GOLGA3: variants seen among roughly 807,000 people sequenced by gnomAD.
The protein encoded by GOLGA3 is golgin subfamily A member 3.
Under a neutral mutation model 169.4 loss-of-function variants are expected in GOLGA3, and 75 were observed. That is an observed-to-expected ratio of 0.44 (90% confidence interval 0.37 to 0.54). GOLGA3 has a LOEUF of 0.54. Ranked by LOEUF, GOLGA3 falls within the 20% of genes least tolerant of loss-of-function variation. GOLGA3 has a pLI of 0.00. For missense variants in GOLGA3, 1,899 were observed against 1,930.0 expected, an observed-to-expected ratio of 0.98 and a Z score of 0.30; for synonymous variants, 824 against 822.4, an observed-to-expected ratio of 1.00 and a Z score of -0.03.
intron 2 of GOLGA3, among the ~76,000 whole-genome samples, chr12:132,821,654 A>G (rs892165632): frequency 2.0e-5 from 3 of 151,830 alleles, no homozygotes; most frequent in Non-Finnish European, 4.4e-5. Flanking sequence ...GGAGATCGAG[A>G]CCATCTTGGC....
intron 1 of GOLGA3, among the ~76,000 whole-genome samples, chr12:132,822,989 C>T (rs1425670807): frequency 6.6e-6 from 1 of 152,220 alleles, no homozygotes. Context: ...TGACTCTGCC[C>T]AAGGCCACGG....
rs529520836 is a variant in GOLGA3 at position 132,795,970 on chromosome 12, G to A, written c.2351C>T (p.Ala784Val). Residue 784 changes from alanine (A) to valine (V), a missense_variant, in exon 11 of 24, where the codon GCG (alanine) becomes GTG (valine). By Grantham distance (64) the Ala-to-Val change is moderately conservative. Coordinates refer to ENST00000450791, the MANE Select transcript of GOLGA3 (RefSeq NM_001389683.1). ...AAGCTCCTCCTTGCCACTCTTGGCCGCCTGCAAAGCCGCCTCCAAGATGAT... is the reference window on the plus strand; with the variant it reads ...AAGCTCCTCCTTGCCACTCTTGGCCACCTGCAAAGCCGCCTCCAAGATGAT... The part of the protein sequence containing the change: ...EKIILEAALQ[A>V]AKSGKEELDR... 13 of 1,613,708 alleles carry A rather than the reference G, an allele frequency of 8.1e-6. No individual in the cohort carries two copies. In the East Asian group the frequency reaches 8.9e-5, roughly 11 times the overall value.
chr12:132,813,214 AAGC>A, intron 4 of GOLGA3, 90 bp downstream of exon 4: 1 of 797,892 alleles, frequency 1.3e-6, no homozygotes, highest in Non-Finnish European at 2.2e-6. Flanking sequence ...CAGCTCAGAG[AAGC>A]CAATGGCAGG....
chr12:132,826,956 A>G (rs957800), intron 1 of GOLGA3, among the ~76,000 whole-genome samples: 17,880 of 152,116 alleles, frequency 0.12, 1,369 homozygotes, highest in South Asian at 0.17. Flanking sequence ...GATCACTCGC[A>G]CTCCTGCGTC....
At position 132,808,510 on chromosome 12, in the gene GOLGA3, G is replaced by C; in HGVS notation, c.559C>G (p.Leu187Val). ...PATKTRLFST[L>V]DPELMLNPEN... ...GGGTTTAACATGAGCTCAGGATCAAGCGTGCTAAAAAGTCTCGTTTTGGTT... is the reference window on the plus strand; with the variant it reads ...GGGTTTAACATGAGCTCAGGATCAACCGTGCTAAAAAGTCTCGTTTTGGTT... Residue 187 changes from leucine to valine, a missense_variant, in exon 5 of 24, where the codon CTT (leucine) becomes GTT (valine). Leu to Val is a conservative substitution (Grantham distance 32). Coordinates refer to ENST00000450791, the MANE Select transcript of GOLGA3 (RefSeq NM_001389683.1). The C allele has an allele frequency of 1.2e-6, 2 of 1,604,272 alleles. No individual in the cohort carries two copies. Among genetic ancestry groups the C allele is most frequent in the Non-Finnish European group, 1.7e-6 (2 of 1,174,858 alleles).
intron 1 of GOLGA3, chr12:132,826,076 G>A (rs557891277): frequency 1.3e-5 from 18 of 1,430,338 alleles, no homozygotes; most frequent in South Asian, 6.9e-5. Flanking sequence ...CGGTGACATC[G>A]TCACAGTGGG....
At chr12:132,809,435 C>T (rs1389034137) in intron 4 of GOLGA3, among the ~76,000 whole-genome samples, 1 of 147,734 alleles carries the variant, frequency 6.8e-6, no homozygotes, top group African/African-American at 2.5e-5. Flanking sequence ...CCCCCACCCC[C>T]GCCCCCCCGC....
intron 6 of GOLGA3, 81 bp downstream of exon 6, chr12:132,807,096 T>G (rs1949444127): frequency 1.3e-6 from 1 of 794,284 alleles, no homozygotes; most frequent in Non-Finnish European, 2.1e-6. Context: ...ACCACATCTG[T>G]GAAACCTCGT....
At chr12:132,819,954 G>A (rs952663945) in intron 2 of GOLGA3, among the ~76,000 whole-genome samples, 2 of 152,214 alleles carry the variant, frequency 1.3e-5, no homozygotes, top group Non-Finnish European at 2.9e-5. Flanking sequence ...CCAAGGTGGG[G>A]GGATCACCAG....
At chr12:132,799,772 T>G (rs529735182) in intron 8 of GOLGA3, among the ~76,000 whole-genome samples, 1 of 152,192 alleles carries the variant, frequency 6.6e-6, no homozygotes, top group African/African-American at 2.4e-5. Context: ...CTGGCTCTGT[T>G]GCCCAGGCTG....
intron 15 of GOLGA3, among the ~76,000 whole-genome samples, chr12:132,785,839 G>A (rs954303935): frequency 4.6e-5 from 7 of 152,216 alleles, no homozygotes; most frequent in Non-Finnish European, 7.4e-5. Flanking sequence ...CGGCCTCCAC[G>A]GAAGGCTCTG....
In GOLGA3 at chr12:132,777,140, G is replaced by A. The variant is rs866631268; in HGVS notation, c.3723-50C>T. ...GGGAATCGCCACGCTCCTCCAGTGT[G>A]CTGTGCCCTCCCGCTGGGAAATGCT... On this transcript the variant is annotated intron_variant, in intron 19 of 23. Transcript: ENST00000450791. This position sits in a 1 kb window ranked among gnomAD's most constrained non-coding sequence, Gnocchi z 4.7. 6.5e-7 allele frequency: 1 copy of A among 1,537,334 alleles called. No homozygotes were observed. The highest frequency in any genetic ancestry group is 1.4e-5 in the African/African-American group (1 of 72,596).
rs2046081620 is a variant in GOLGA3, at chr12:132,789,051, T to C, written c.2787A>G (p.Arg929=). 1 of 1,586,318 alleles carries C rather than the reference T, an allele frequency of 6.3e-7. No individual in the cohort carries two copies. Among genetic ancestry groups the C allele is most frequent in the African/African-American group, 1.4e-5 (1 of 73,912 alleles). Residue 929 remains arginine (R), a synonymous_variant, in exon 13 of 24, where the codon CGA becomes CGG. Coordinates refer to ENST00000450791, the MANE Select transcript of GOLGA3 (RefSeq NM_001389683.1). The stretch of plus-strand genomic sequence containing the variant: ...CCTGCAAGTGTGTTTCCATCTCGTC[T>C]CGCTCCTTCTGCGCCGACTGGAGAT... ...EGHLQSAQKE[R]DEMETHLQSL... is the part of the protein sequence containing the mutation.
chr12:132,808,692 AG>A, intron 4 of GOLGA3, 143 bp from the exon 5 acceptor site: 1 of 720,816 alleles, frequency 1.4e-6, no homozygotes, highest in African/African-American at 1.8e-5. Context: ...CTCACCACAC[AG>A]GGTGCGGCCA....
intron 3 of GOLGA3, among the ~76,000 whole-genome samples, chr12:132,814,169 C>T (rs145937728): frequency 6.6e-6 from 1 of 151,818 alleles, no homozygotes; most frequent in East Asian, 1.9e-4. Flanking sequence ...GGATTACAGG[C>T]ATGCAACACG....
In GOLGA3 at chr12:132,776,700, C is replaced by CT. The variant is rs1303326624; in HGVS notation, c.3911dup (p.Gln1305AlafsTer27). ...GCTGCTCCGTCAAGTCCAGCTGCTGCTTCAAGGACTGGATTTCTCTTTCTT... is the reference window on the plus strand; with the variant it reads ...GCTGCTCCGTCAAGTCCAGCTGCTGCTTTCAAGGACTGGATTTCTCTTTCTT... On this transcript the variant is annotated frameshift_variant, in exon 21 of 24. Transcript: ENST00000450791. LOFTEE classifies it high-confidence loss of function. 6.2e-7 allele frequency: 1 copy of CT among 1,614,114 alleles called. No individual in the cohort carries two copies.
chr12:132,786,233 C>T (rs374637074), intron 15 of GOLGA3, 106 bp downstream of exon 15: 6 of 745,466 alleles, frequency 8.0e-6, no homozygotes, highest in African/African-American at 1.8e-5. Flanking sequence ...CCACCTCCCA[C>T]GCGAGCTCGG....
In GOLGA3 at chr12:132,773,235, G is replaced by A. The variant is rs748124922; in HGVS notation, c.4367C>T (p.Ser1456Phe). Residue 1456 changes from serine (S) to phenylalanine (F), a missense_variant, in exon 24 of 24, where the codon TCT (serine) becomes TTT (phenylalanine). By Grantham distance (155) the Ser-to-Phe change is radical. Coordinates refer to ENST00000450791, the MANE Select transcript of GOLGA3 (RefSeq NM_001389683.1). ...CTCCAGCGGCGTCCACGAGGACAGA[G>A]ACTCGTGCACCGTCAGGGCGTGCTC... The part of the protein sequence containing the change: ...MEEHALTVHE[S>F]LSSWTPLEPA... The A allele has an allele frequency of 3.8e-6, 6 of 1,559,752 alleles. No individual in the cohort carries two copies. The highest frequency in any genetic ancestry group is 5.2e-6 in the Non-Finnish European group (6 of 1,148,424).
At chr12:132,784,005 C>T in intron 16 of GOLGA3, 159 bp downstream of exon 16, 1 of 1,505,420 alleles carries the variant, frequency 6.6e-7, no homozygotes, top group Non-Finnish European at 8.9e-7. Context: ...CCTGCCCCAC[C>T]ACAGAGCCAG....
Sources: allele counts gnomAD v4.1 joint callset (sites outside exome capture counted in the v4.1 genomes callset), GRCh38; gene constraint gnomAD v4.1.1; non-coding constraint Gnocchi (gnomAD v3.1); transcripts MANE v1.5; gene names NCBI Gene and HGNC (gene_info 2026-07-23, HGNC 2026-07-21).